GRM2: variants seen among roughly 807,000 people sequenced by gnomAD.
GRM2 encodes metabotropic glutamate receptor 2.
GRM2 carries 35 observed loss-of-function variants against 60.4 expected under a neutral mutation model. That is an observed-to-expected ratio of 0.58 (90% CI 0.44 to 0.77). The LOEUF is 0.77. GRM2 is among the 30% of genes least tolerant of loss of function. The pLI is 0.00. For synonymous variants in GRM2, 437 were observed against 484.1 expected (o/e 0.90, Z 1.28); for missense variants, 925 against 1,199.5 (o/e 0.77, Z 3.38).
Position 51,715,400 on chromosome 3 carries a change from G to A in GRM2, c.1627G>A (p.Gly543Ser). 1.7e-5 allele frequency: 28 copies of A among 1,613,558 alleles called. No individual in the cohort carries two copies. Among genetic ancestry groups the A allele is most frequent in the Non-Finnish European group, 2.4e-5 (28 of 1,180,020 alleles). Residue 543 changes from glycine (G) to serine (S), a missense_variant, in exon 4 of 6, where the codon GGC (glycine) becomes AGC (serine). Physicochemically the swap from Gly to Ser is moderately conservative, Grantham distance 56. Transcript: ENST00000395052. This position sits in a 1 kb window ranked among gnomAD's most constrained non-coding sequence, Gnocchi z 9.0. ...DEFTCADCGL[G>S]YWPNASLTGC... ...ATTCACTTGCGCTGATTGTGGCCTG[G>A]GCTACTGGCCCAATGCCAGCCTGAC...
At chr3:51,710,020 C>T (rs1420883985) in intron 2 of GRM2, among the ~76,000 whole-genome samples, 3 of 149,358 alleles carry the variant, frequency 2.0e-5, no homozygotes, top group African/African-American at 5.0e-5. Context: ...GACAGGATAT[C>T]GCTCTGTCTC....
In GRM2 at chr3:51,712,570, G is replaced by T; in HGVS notation, c.548G>T (p.Arg183Leu). ...AAGTCCCGCTATGACTACTTTGCCC[G>T]CACAGTGCCTCCTGACTTCTTCCAA... ...SDKSRYDYFA[R>L]TVPPDFFQAK... Residue 183 changes from arginine to leucine, a missense_variant, in exon 3 of 6, where the codon CGC becomes CTC. Arg to Leu is a moderately radical substitution (Grantham distance 102). Coordinates refer to ENST00000395052, the MANE Select transcript of GRM2 (RefSeq NM_000839.5). This position sits in a 1 kb window ranked among gnomAD's most constrained non-coding sequence, Gnocchi z 5.3. 1 of 1,614,046 alleles carries T rather than the reference G, an allele frequency of 6.2e-7. No homozygotes were observed. Among genetic ancestry groups the T allele is most frequent in the South Asian group, 1.1e-5 (1 of 91,080 alleles).
At position 51,717,813 on chromosome 3, in the gene GRM2, C is replaced by T. The variant is rs1703959745; in HGVS notation, c.2541C>T (p.Gly847=). ...SAAARASSSL[G]QGSGSQFVPT... The stretch of plus-strand genomic sequence containing the variant: ...CTGCCAGGGCCAGCTCCAGCCTTGG[C>T]CAAGGTCAGTGTCCTAAGCAGCCCT... Residue 847 remains glycine (G), a synonymous_variant, in exon 5 of 6, where the codon GGC becomes GGT. Coordinates refer to ENST00000395052, the MANE Select transcript of GRM2 (RefSeq NM_000839.5). This position sits in a 1 kb window ranked among gnomAD's most constrained non-coding sequence, Gnocchi z 6.0. 2 of 1,613,558 alleles carry T rather than the reference C, an allele frequency of 1.2e-6. No individual in the cohort carries two copies. Among genetic ancestry groups the T allele is most frequent in the East Asian group, 4.5e-5 (2 of 44,876 alleles).
chr3:51,712,197 A>G lies in GRM2; in HGVS notation c.451-276A>G, dbSNP rs1464934532. On this transcript the variant is annotated intron_variant, in intron 2 of 5. Transcript: ENST00000395052. This position sits in a 1 kb window ranked among gnomAD's most constrained non-coding sequence, Gnocchi z 5.3. ...CCAGGCCTTCCTTGGCCCCCCTGCCATGTGTCTAAAAGGGGATGGCAGAGG... is the reference window on the plus strand; with the variant it reads ...CCAGGCCTTCCTTGGCCCCCCTGCCGTGTGTCTAAAAGGGGATGGCAGAGG... Among the ~76,000 whole-genome samples the G allele has an allele frequency of 6.6e-6, 1 of 151,926 alleles. No homozygotes were observed. Among genetic ancestry groups the G allele is most frequent in the African/African-American group, 2.4e-5 (1 of 41,370 alleles).
rs1221740483 is a variant in GRM2, at chr3:51,713,377, GCTTC to G, written c.1288+69_1288+72del. On this transcript the variant is annotated intron_variant, in intron 3 of 5. Transcript: ENST00000395052. This position sits in a 1 kb window ranked among gnomAD's most constrained non-coding sequence, Gnocchi z 4.8. ...GAGGATGAGGGGAAGCAGAACTTCA[GCTTC>G]CATTCCTTTGCTAAGGAAACAGTAG... 12 of 1,101,996 alleles carry G rather than the reference GCTTC, an allele frequency of 1.1e-5. No homozygotes were observed. Among genetic ancestry groups the G allele is most frequent in the Non-Finnish European group, 9.2e-6 (7 of 759,390 alleles). 68.3% of individuals were successfully genotyped at this position (1,101,996 alleles called of 1,614,324 possible).
chr3:51,718,023 G>A lies in GRM2; in HGVS notation c.2546-16G>A. 1 of 1,613,366 alleles carries A rather than the reference G, an allele frequency of 6.2e-7. No individual in the cohort carries two copies. Among genetic ancestry groups the A allele is most frequent in the Non-Finnish European group, 8.5e-7 (1 of 1,179,310 alleles). ...GACCTCGGGATTGGCCCCAACCTCT[G>A]GCTTCCTTTTCTTAGGGTCTGGCTC... On this transcript the variant is annotated splice_polypyrimidine_tract_variant and intron_variant, in intron 5 of 5. Coordinates refer to ENST00000395052, the MANE Select transcript of GRM2 (RefSeq NM_000839.5). This position sits in a 1 kb window ranked among gnomAD's most constrained non-coding sequence, Gnocchi z 4.2.
In GRM2 at chr3:51,709,270, C is replaced by A; in HGVS notation, c.287C>A (p.Thr96Lys). 1 of 1,604,474 alleles carries A rather than the reference C, an allele frequency of 6.2e-7. No individual in the cohort carries two copies. The change falls in exon 2 of 6, where the codon ACA (threonine) becomes AAA (lysine). Residue 96 changes from threonine (T) to lysine (K), a missense_variant. Coordinates refer to ENST00000395052, the MANE Select transcript of GRM2 (RefSeq NM_000839.5). ...AHILDSCSKD[T>K]HALEQALDFV... The stretch of plus-strand genomic sequence containing the variant: ...ATCCTCGACAGTTGCTCCAAGGACA[C>A]ACATGCGCTGGAGCAGGCACTGGAC...
At position 51,715,090 on chromosome 3, in the gene GRM2, T is replaced by C; in HGVS notation, c.1317T>C (p.Asn439=). ...DAPFRPADTH[N]EVRFDRFGDG... ...CCTTTCGCCCAGCTGACACCCACAA[T>C]GAGGTCCGCTTTGACCGCTTTGGTG... The change falls in exon 4 of 6, where the codon AAT becomes AAC. Residue 439 remains asparagine, a synonymous_variant. Coordinates refer to ENST00000395052, the MANE Select transcript of GRM2 (RefSeq NM_000839.5). This position sits in a 1 kb window ranked among gnomAD's most constrained non-coding sequence, Gnocchi z 9.0. 1 of 1,563,820 alleles carries C rather than the reference T, an allele frequency of 6.4e-7. No homozygotes were observed. The highest frequency in any genetic ancestry group is 8.7e-7 in the Non-Finnish European group (1 of 1,150,468).
Position 51,715,314 on chromosome 3 carries a change from C to T in GRM2, c.1541C>T (p.Pro514Leu), listed in dbSNP as rs1449445350. 16 of 1,613,102 alleles carry T rather than the reference C, an allele frequency of 9.9e-6. No individual in the cohort carries two copies. The highest frequency in any genetic ancestry group is 2.7e-5 in the African/African-American group (2 of 74,916). The change falls in exon 4 of 6, where the codon CCG becomes CTG. Residue 514 changes from proline to leucine, a missense_variant. Coordinates refer to ENST00000395052, the MANE Select transcript of GRM2 (RefSeq NM_000839.5). This position sits in a 1 kb window ranked among gnomAD's most constrained non-coding sequence, Gnocchi z 9.0. ...CAGAATGAGGTGAAGAGTGTGCAGCCGGGCGAAGTCTGCTGCTGGCTCTGC... is the reference window on the plus strand; with the variant it reads ...CAGAATGAGGTGAAGAGTGTGCAGCTGGGCGAAGTCTGCTGCTGGCTCTGC... ...CLQNEVKSVQ[P>L]GEVCCWLCIP...
In GRM2 at chr3:51,709,539, A is replaced by C. The variant is rs1559691798; in HGVS notation, c.450+106A>C. ...TGGGCTGCTGTGAATTGGAAGGGAA[A>C]CTAGAAGCTTCCTTGCAGTAGCTTT... On this transcript the variant is annotated intron_variant, in intron 2 of 5. Transcript: ENST00000395052. 3 of 766,466 alleles carry C rather than the reference A, an allele frequency of 3.9e-6. No homozygotes were observed. The East Asian group carries it at 8.2e-5, about 21-fold the overall frequency. 47.5% of individuals were successfully genotyped at this position (766,466 alleles called of 1,614,324 possible).
rs371492960 is a variant in GRM2, at chr3:51,715,781, C to T, written c.2008C>T (p.Arg670Trp). The T allele has an allele frequency of 1.6e-5, 26 of 1,613,096 alleles. No individual in the cohort carries two copies. Among genetic ancestry groups the T allele is most frequent in the African/African-American group, 6.7e-5 (5 of 74,932 alleles). Residue 670 changes from arginine (R) to tryptophan (W), a missense_variant, in exon 4 of 6, where the codon CGG becomes TGG. Transcript: ENST00000395052. The surrounding 1 kb of genome is among the most constrained non-coding windows in gnomAD (Gnocchi z 9.0). ...IFGGAREGAQ[R>W]PRFISPASQV... Reference sequence around the variant, plus strand: ...CGGTGGGGCCCGGGAGGGTGCCCAGCGGCCACGCTTCATCAGTCCTGCCTC... The same window carrying T: ...CGGTGGGGCCCGGGAGGGTGCCCAGTGGCCACGCTTCATCAGTCCTGCCTC...
At chr3:51,710,224 C>G (rs1271342587) in intron 2 of GRM2, among the ~76,000 whole-genome samples, 1 of 152,052 alleles carries the variant, frequency 6.6e-6, no homozygotes, top group Non-Finnish European at 1.5e-5. Context: ...AAACTCCCGA[C>G]TTCAGGTGAT....
rs981738690 is a variant in GRM2, at chr3:51,714,805, C to T, written c.1289-257C>T. 12 of 392,388 alleles carry T rather than the reference C, an allele frequency of 3.1e-5. No homozygotes were observed. In the Admixed American group the frequency reaches 3.4e-4, roughly 11 times the overall value. 24.3% of individuals were successfully genotyped at this position (392,388 alleles called of 1,614,324 possible). A position where few individuals can be genotyped will look rare whatever the true frequency, so the allele number is the denominator to read the frequency against. On this transcript the variant is annotated intron_variant, in intron 3 of 5. Transcript: ENST00000395052. ...GTGGGCATTAGGTTTTTGGAGATGT[C>T]TGGGCTTTAAGGCTGGGATTACATT...
intron 1 of GRM2, chr3:51,708,378 C>T (rs745749323): frequency 3.9e-5 from 6 of 152,250 alleles, no homozygotes; most frequent in Non-Finnish European, 8.8e-5. Flanking sequence ...GAGATGCTTC[C>T]CTTCCTCTTC....
intron 2 of GRM2, among the ~76,000 whole-genome samples, chr3:51,710,827 C>T (rs772013026): frequency 6.6e-6 from 1 of 152,230 alleles, no homozygotes; most frequent in Non-Finnish European, 1.5e-5. Context: ...TGCCCAGCTG[C>T]GATCCTCCCA....
chr3:51,717,882 A>G lies in GRM2; in HGVS notation c.2545+65A>G. 6.5e-7 allele frequency: 1 copy of G among 1,530,342 alleles called. No homozygotes were observed. Among genetic ancestry groups the G allele is most frequent in the Non-Finnish European group, 9.0e-7 (1 of 1,106,158 alleles). The allele number at this position is 1,530,342 out of a possible 1,614,324, so 94.8% of individuals were successfully genotyped here. ...CCCTGTCCAGCTCCTTGGGTTGCTG[A>G]GATCTCTTGTCTGGGGGTGAGGTGC... On this transcript the variant is annotated intron_variant, in intron 5 of 5. Transcript: ENST00000395052. The surrounding 1 kb of genome is among the most constrained non-coding windows in gnomAD (Gnocchi z 6.0).
In GRM2 at chr3:51,715,414, T is replaced by C; in HGVS notation, c.1641T>C (p.Asn547=). Residue 547 remains asparagine (N), a synonymous_variant, in exon 4 of 6, where the codon AAT becomes AAC. Coordinates refer to ENST00000395052, the MANE Select transcript of GRM2 (RefSeq NM_000839.5). This position sits in a 1 kb window ranked among gnomAD's most constrained non-coding sequence, Gnocchi z 9.0. ...CADCGLGYWP[N]ASLTGCFELP... is the part of the protein sequence containing the mutation. ...ATTGTGGCCTGGGCTACTGGCCCAA[T>C]GCCAGCCTGACTGGCTGCTTCGAAC... 6.2e-7 allele frequency: 1 copy of C among 1,613,402 alleles called. No homozygotes were observed. Among genetic ancestry groups the C allele is most frequent in the Non-Finnish European group, 8.5e-7 (1 of 1,179,966 alleles).
rs758404626 is a variant in GRM2, at chr3:51,713,246, C to A, written c.1224C>A (p.Asp408Glu). The A allele has an allele frequency of 2.4e-5, 38 of 1,613,048 alleles. No homozygotes were observed. The highest frequency in any genetic ancestry group is 3.1e-5 in the Non-Finnish European group (37 of 1,179,994). The change falls in exon 3 of 6, where the codon GAC becomes GAA. Residue 408 changes from aspartate to glutamate, a missense_variant. Coordinates refer to ENST00000395052, the MANE Select transcript of GRM2 (RefSeq NM_000839.5). The surrounding 1 kb of genome is among the most constrained non-coding windows in gnomAD (Gnocchi z 4.8). Reference sequence around the variant, plus strand: ...GCCCCAACACCACCCGGCTCTGTGACGCGATGCGGCCAGTTAACGGGCGCC... The same window carrying A: ...GCCCCAACACCACCCGGCTCTGTGAAGCGATGCGGCCAGTTAACGGGCGCC... ...ALCPNTTRLC[D>E]AMRPVNGRRL...
rs1366011485 is a variant in GRM2 at position 51,713,269 on chromosome 3, G to A, written c.1247G>A (p.Arg416His). 1.1e-5 allele frequency: 18 copies of A among 1,612,394 alleles called. No individual in the cohort carries two copies. Among genetic ancestry groups the A allele is most frequent in the South Asian group, 5.5e-5 (5 of 91,034 alleles). ...GACGCGATGCGGCCAGTTAACGGGC[G>A]CCGCCTCTACAAGGACTTTGTGCTC... ...LCDAMRPVNGRRLYKDFVLNV... is the reference protein window; with the variant it reads ...LCDAMRPVNGHRLYKDFVLNV... The change falls in exon 3 of 6, where the codon CGC (arginine) becomes CAC (histidine). Residue 416 changes from arginine to histidine, a missense_variant. By Grantham distance (29) the Arg-to-His change is conservative (BLOSUM62 0). Coordinates refer to ENST00000395052, the MANE Select transcript of GRM2 (RefSeq NM_000839.5). This position sits in a 1 kb window ranked among gnomAD's most constrained non-coding sequence, Gnocchi z 4.8.
Sources: allele counts gnomAD v4.1 joint callset (sites outside exome capture counted in the v4.1 genomes callset), GRCh38; gene constraint gnomAD v4.1.1; non-coding constraint Gnocchi (gnomAD v3.1); transcripts MANE v1.5; gene names NCBI Gene and HGNC (gene_info 2026-07-23, HGNC 2026-07-21).